The following ATXN1 variants were observed in gnomAD, a reference collection of about 807,000 sequenced individuals.
ATXN1 encodes the protein ataxin 1.
A neutral mutation model predicts 56.4 loss-of-function variants in ATXN1; 8 were observed. That is an observed-to-expected ratio of 0.14 (90% confidence interval 0.08 to 0.26). The LOEUF (loss-of-function observed/expected upper bound fraction) is 0.26. Among genes scored for constraint, ATXN1 ranks in the 10% least tolerant of loss-of-function variants. The pLI, the probability that ATXN1 is intolerant of heterozygous loss-of-function variation, is 1.00. For missense variants in ATXN1, 987 were observed against 1,106.5 expected (o/e 0.89, Z 1.53); for synonymous variants, 514 against 494.6 (o/e 1.04, Z -0.52).
chr6:16,566,533 C>T (rs1407323616), intron 4 of ATXN1, among the ~76,000 whole-genome samples: 1 of 151,922 alleles, frequency 6.6e-6, no homozygotes, highest in Non-Finnish European at 1.5e-5. Context: ...TCTCACCATG[C>T]CTGGCCAATT....
At chr6:16,421,465 A>C (rs190772830) in intron 6 of ATXN1, among the ~76,000 whole-genome samples, 157 of 152,320 alleles carry the variant, frequency 1.0e-3, no homozygotes, top group African/African-American at 3.7e-3. Flanking sequence ...GGAGACAGAA[A>C]GCATGGAAAG....
intron 4 of ATXN1, among the ~76,000 whole-genome samples, chr6:16,559,878 T>C (rs12528322): frequency 0.056 from 8,556 of 152,252 alleles, 362 homozygotes; most frequent in Admixed American, 0.12. Flanking sequence ...TAAAGTTTTT[T>C]AAACCCTCAA....
chr6:16,640,025 T>C (rs1354401664), intron 3 of ATXN1, among the ~76,000 whole-genome samples: 1 of 152,126 alleles, frequency 6.6e-6, no homozygotes, highest in Non-Finnish European at 1.5e-5. Context: ...CGCATCTCAT[T>C]TTATTGCATT....
At chr6:16,732,681 T>C (rs945488322) in intron 2 of ATXN1, among the ~76,000 whole-genome samples, 5 of 152,208 alleles carry the variant, frequency 3.3e-5, no homozygotes, top group African/African-American at 9.7e-5. Context: ...TATTTACACA[T>C]ACAAATGCAT....
intron 3 of ATXN1, among the ~76,000 whole-genome samples, chr6:16,598,819 G>A (rs1056500790): frequency 1.3e-5 from 2 of 152,230 alleles, no homozygotes; most frequent in Non-Finnish European, 2.9e-5. Flanking sequence ...GCTGCAGGCT[G>A]ACACCATTTT....
chr6:16,551,756 T>C (rs1761924035), intron 4 of ATXN1, among the ~76,000 whole-genome samples: 1 of 152,202 alleles, frequency 6.6e-6, no homozygotes, highest in African/African-American at 2.4e-5. Context: ...TGCACGTCTC[T>C]ACACAGCTAT....
At chr6:16,354,289 G>A (rs921841733) in intron 6 of ATXN1, among the ~76,000 whole-genome samples, 3 of 151,330 alleles carry the variant, frequency 2.0e-5, no homozygotes, top group Non-Finnish European at 2.9e-5. Context: ...ATGGAGTCTC[G>A]CTCTGTCGCC....
intron 3 of ATXN1, among the ~76,000 whole-genome samples, chr6:16,586,817 G>A (rs1281261816): frequency 1.3e-5 from 2 of 152,164 alleles, no homozygotes; most frequent in East Asian, 1.9e-4. Context: ...TCAGGAGATC[G>A]AGACCATCCT....
chr6:16,330,730 C>T (rs1487903488), intron 6 of ATXN1, among the ~76,000 whole-genome samples: 1 of 152,066 alleles, frequency 6.6e-6, no homozygotes, highest in Non-Finnish European at 1.5e-5. Context: ...GCTCCAACAT[C>T]ATCAATGAAC....
Position 16,681,220 on chromosome 6 carries a change from G to C in ATXN1, c.-614-23319C>G, listed in dbSNP as rs1376622495. Among the ~76,000 whole-genome samples, 3 of 152,220 alleles carry C rather than the reference G, an allele frequency of 2.0e-5. No homozygotes were observed. The East Asian group carries it at 5.8e-4, about 29-fold the overall frequency. ...GAAGAAAAGGTGCCACTGAGGACAA[G>C]GGAACAAGAATCTGTGTCAATCAAC... On this transcript the variant is annotated intron_variant, in intron 2 of 7. Coordinates refer to ENST00000436367, the MANE Select transcript of ATXN1 (RefSeq NM_001128164.2).
intron 4 of ATXN1, among the ~76,000 whole-genome samples, chr6:16,564,038 C>G (rs1057053650): frequency 6.6e-6 from 1 of 152,136 alleles, no homozygotes; most frequent in Non-Finnish European, 1.5e-5. Flanking sequence ...GCTGAGTAAA[C>G]AGGATGTGGG....
chr6:16,493,483 A>G (rs1433367602), intron 5 of ATXN1, among the ~76,000 whole-genome samples: 1 of 126,550 alleles, frequency 7.9e-6, no homozygotes, highest in South Asian at 2.4e-4. Context: ...TTGTTTTTGC[A>G]TGTGAATGCC....
intron 4 of ATXN1, among the ~76,000 whole-genome samples, chr6:16,559,868 T>A (rs1762083560): frequency 6.6e-6 from 1 of 150,714 alleles, no homozygotes; most frequent in African/African-American, 2.5e-5. Flanking sequence ...AAAAAAAAAA[T>A]AAAGTTTTTT....
intron 7 of ATXN1, among the ~76,000 whole-genome samples, chr6:16,318,696 C>T (rs1216743986): frequency 6.6e-6 from 1 of 152,256 alleles, no homozygotes. Context: ...AGTAAACCCA[C>T]ACCCTAGCAC....
In ATXN1 at chr6:16,429,425, G is replaced by GTTTT. The variant is rs3072201; in HGVS notation, c.-161+56543_-161+56546dup. On this transcript the variant is annotated intron_variant, in intron 6 of 7. Transcript: ENST00000436367. The stretch of plus-strand genomic sequence containing the variant: ...AATAGCATCAGAGTATTTTTTGTTC[G>GTTTT]TTTTTTTTTTTTTTTTTTGAGAAAG... Among the ~76,000 whole-genome samples, 29 of 105,978 alleles carry GTTTT rather than the reference G, an allele frequency of 2.7e-4. 1 individual carries two copies. Among genetic ancestry groups the GTTTT allele is most frequent in the African/African-American group, 5.9e-4 (16 of 27,322 alleles). 69.5% of individuals were successfully genotyped at this position (105,978 alleles called of 152,430 possible).
At chr6:16,466,279 C>T (rs1405835115) in intron 6 of ATXN1, among the ~76,000 whole-genome samples, 3 of 135,016 alleles carry the variant, frequency 2.2e-5, no homozygotes, top group Non-Finnish European at 4.6e-5. Context: ...GATTGCGCCA[C>T]TGCACTCCAG....
intron 6 of ATXN1, among the ~76,000 whole-genome samples, chr6:16,440,732 T>A (rs541723658): frequency 1.3e-5 from 2 of 151,522 alleles, no homozygotes; most frequent in East Asian, 3.9e-4. Context: ...TTTAAAAAAA[T>A]TTTTCAGAAT....
chr6:16,404,619 GT>G (rs1156674098), intron 6 of ATXN1, among the ~76,000 whole-genome samples: 2 of 152,208 alleles, frequency 1.3e-5, no homozygotes, highest in East Asian at 3.9e-4. Flanking sequence ...CTTTCCTCCA[GT>G]TAAGGTCCCT....
chr6:16,352,502 C>A (rs1761591283), intron 6 of ATXN1, among the ~76,000 whole-genome samples: 1 of 152,162 alleles, frequency 6.6e-6, no homozygotes, highest in Non-Finnish European at 1.5e-5. Context: ...CTCAAGCCGA[C>A]AGAGCATCAC....
Sources: gnomAD v4.1 joint callset for allele counts (sites outside exome capture counted in the v4.1 genomes callset) on GRCh38, gnomAD v4.1.1 for gene constraint, MANE v1.5 for transcripts, NCBI Gene and HGNC (gene_info 2026-07-23, HGNC 2026-07-21) for gene names.